Variants in PFDN6 observed in about 807,000 individuals in gnomAD.
The protein encoded by PFDN6 is HLA class II region expressed gene KE2.
PFDN6 carries 5 observed loss-of-function variants against 19.3 expected under a neutral mutation model. The ratio of observed to expected loss-of-function variants is 0.26; its 90% CI spans 0.14 to 0.55. The LOEUF is 0.55. Among genes scored for constraint, PFDN6 ranks in the 20% least tolerant of loss-of-function variants. The probability of loss-of-function intolerance (pLI) is 0.94; values close to 1 mark genes in which losing one functional copy is unlikely to be tolerated. For synonymous variants in PFDN6, 51 were observed against 63.4 expected, an observed-to-expected ratio of 0.80 and a Z score of 0.93; for missense variants, 101 against 149.4, an observed-to-expected ratio of 0.68 and a Z score of 1.69.
chr6:33,290,681 C>T, intron 3 of PFDN6, 35 bp from the exon 4 acceptor site: 1 of 1,608,104 alleles, frequency 6.2e-7, no homozygotes, highest in Non-Finnish European at 8.5e-7. Context: ...CTACTAATTT[C>T]TCCCTTTCTG....
At position 33,290,464 on chromosome 6, in the gene PFDN6, C is replaced by G; in HGVS notation, c.260+14C>G. 6.5e-7 allele frequency: 1 copy of G among 1,541,528 alleles called. No homozygotes were observed. The highest frequency in any genetic ancestry group is 8.7e-7 in the Non-Finnish European group (1 of 1,144,444). On this transcript the variant is annotated intron_variant, in intron 3 of 3. Transcript: ENST00000374606. ...CACAGCTGAAATGTGAGTTTTTATT[C>G]CACCACCGTGTGCTGCACCCTGTGA...
In PFDN6 at chr6:33,289,861, C is replaced by T; in HGVS notation, c.5C>T (p.Ala2Val). M[A>V]ELIQKKLQGE... ...CAGTAGGCTTTCATCCCCGCCATGG[C>T]GGAGCTGATCCAGAAGAAGCTACAG... Residue 2 changes from alanine (A) to valine (V), a missense_variant, in exon 1 of 4, where the codon GCG becomes GTG. This residue lies in a region of PFDN6 where 54 missense variants were observed against 108.8 expected (regional missense o/e 0.50). Coordinates refer to ENST00000374606, the MANE Select transcript of PFDN6 (RefSeq NM_001185181.3). The T allele has an allele frequency of 6.2e-7, 1 of 1,601,894 alleles. No individual in the cohort carries two copies.
Position 33,290,819 on chromosome 6 carries a change from A to C in PFDN6, c.364A>C (p.Lys122Gln), listed in dbSNP as rs1767297870. Residue 122 changes from lysine to glutamine, a missense_variant, in exon 4 of 4, where the codon AAG becomes CAG. Coordinates refer to ENST00000374606, the MANE Select transcript of PFDN6 (RefSeq NM_001185181.3). The stretch of plus-strand genomic sequence containing the variant: ...GGAGTTCCAGCGGGCCCAGGCAGCA[A>C]AGGCAGGGGCTCCTGGCAAGGCCTG... Reference protein sequence around the residue: ...QQEFQRAQAAKAGAPGKA With the variant: ...QQEFQRAQAAQAGAPGKA The C allele has an allele frequency of 6.2e-7, 1 of 1,602,910 alleles. No homozygotes were observed. The highest frequency in any genetic ancestry group is 8.5e-7 in the Non-Finnish European group (1 of 1,179,732).
At chr6:33,290,059 C>A in intron 1 of PFDN6, 115 bp from the exon 2 acceptor site, 1 of 1,334,506 alleles carries the variant, frequency 7.5e-7, no homozygotes, top group Non-Finnish European at 1.1e-6. Flanking sequence ...TCCCTGTTCA[C>A]TCACCCGCTG....
In PFDN6 at chr6:33,290,596, CCTT is replaced by C. The variant is rs1230297218; in HGVS notation, c.261-114_261-112del. ...AACCCTTTCCTTCCCTTTTAACCCC[CCTT>C]CTTCTCCCTCCCCTGGATCTCAAGT... On this transcript the variant is annotated intron_variant, in intron 3 of 3. Transcript: ENST00000374606. 1.2e-5 allele frequency: 17 copies of C among 1,469,598 alleles called. No individual in the cohort carries two copies. The Admixed American group carries it at 1.2e-4, about 10-fold the overall frequency. 91.0% of individuals were successfully genotyped at this position (1,469,598 alleles called of 1,614,324 possible).
intron 1 of PFDN6, 80 bp downstream of exon 1, chr6:33,290,000 A>T (rs1767173227): frequency 7.1e-7 from 1 of 1,403,004 alleles, no homozygotes; most frequent in Non-Finnish European, 9.9e-7. Context: ...TTGTTGCCCC[A>T]TCTGGGCCCT....
rs1333650750 is a variant in PFDN6, at chr6:33,290,376, G to T, written c.186G>T (p.Pro62=). ...GSNVVFKLLG[P]VLVKQELGEA... ...ACGTGGTCTTTAAACTTCTGGGTCC[G>T]GTGCTAGTCAAACAGGAGCTGGGGG... The change falls in exon 3 of 4, where the codon CCG becomes CCT. Residue 62 remains proline (P), a synonymous_variant. Coordinates refer to ENST00000374606, the MANE Select transcript of PFDN6 (RefSeq NM_001185181.3). The T allele has an allele frequency of 6.2e-7, 1 of 1,608,182 alleles. No individual in the cohort carries two copies. The highest frequency in any genetic ancestry group is 8.5e-7 in the Non-Finnish European group (1 of 1,176,602).
In PFDN6 at chr6:33,290,699, CCCTT is replaced by C. The variant is rs760167104; in HGVS notation, c.261-16_261-13del. 3 of 1,612,448 alleles carry C rather than the reference CCCTT, an allele frequency of 1.9e-6. No homozygotes were observed. The highest frequency in any genetic ancestry group is 1.7e-5 in the Admixed American group (1 of 59,966). On this transcript the variant is annotated splice_polypyrimidine_tract_variant and intron_variant, in intron 3 of 3. Transcript: ENST00000374606. Reference sequence around the variant, plus strand: ...CTAATTTCTCCCTTTCTGCTTGTCTCCCTTGTCTCTCCTTAGTAAGCGATACGAA... The same window carrying C: ...CTAATTTCTCCCTTTCTGCTTGTCTCGTCTCTCCTTAGTAAGCGATACGAA...
At position 33,290,253 on chromosome 6, in the gene PFDN6, C is replaced by CTG; in HGVS notation, c.135+10_135+11dup. 1 of 1,614,098 alleles carries CTG rather than the reference C, an allele frequency of 6.2e-7. No homozygotes were observed. Among genetic ancestry groups the CTG allele is most frequent in the Admixed American group, 1.7e-5 (1 of 60,016 alleles). On this transcript the variant is annotated intron_variant, in intron 2 of 3. Coordinates refer to ENST00000374606, the MANE Select transcript of PFDN6 (RefSeq NM_001185181.3). Reference sequence around the variant, plus strand: ...ATAATATCGTGAAAGAGGTGAGGGACTGGGATTTGTGGGGCGAGGAGGGAC... The same window carrying CTG: ...ATAATATCGTGAAAGAGGTGAGGGACTGTGGGATTTGTGGGGCGAGGAGGGAC...
Position 33,290,885 on chromosome 6 carries a change from G to C in PFDN6, c.*40G>C. The C allele has an allele frequency of 1.3e-6, 2 of 1,542,938 alleles. No homozygotes were observed. The highest frequency in any genetic ancestry group is 1.7e-6 in the Non-Finnish European group (2 of 1,143,912). ...GAGGGGAGGGGAGGGGAGGGAATGA[G>C]GCAGCTCTAGGATCTATACTGTAGC... On this transcript the variant is annotated 3_prime_UTR_variant, in exon 4 of 4. Coordinates refer to ENST00000374606, the MANE Select transcript of PFDN6 (RefSeq NM_001185181.3).
Position 33,290,658 on chromosome 6 carries a change from T to C in PFDN6, c.261-58T>C. 4.4e-6 allele frequency: 7 copies of C among 1,590,312 alleles called. No homozygotes were observed. The South Asian group carries it at 7.8e-5, about 18-fold the overall frequency. On this transcript the variant is annotated intron_variant, in intron 3 of 3. Coordinates refer to ENST00000374606, the MANE Select transcript of PFDN6 (RefSeq NM_001185181.3). ...TATCTCTTTCTTGCGTTTAGCACTCTCCATAGTGAGTCCTACTAATTTCTC... is the reference window on the plus strand; with the variant it reads ...TATCTCTTTCTTGCGTTTAGCACTCCCCATAGTGAGTCCTACTAATTTCTC...
intron 3 of PFDN6, 87 bp from the exon 4 acceptor site, chr6:33,290,629 C>A: frequency 6.5e-7 from 1 of 1,532,860 alleles, no homozygotes; most frequent in Admixed American, 1.8e-5. Context: ...TCAAGTTTTC[C>A]ACCTATCTCT....
intron 1 of PFDN6, 43 bp downstream of exon 1, chr6:33,289,963 A>G: frequency 6.5e-7 from 1 of 1,537,576 alleles, no homozygotes; most frequent in Non-Finnish European, 8.9e-7. Flanking sequence ...ATGCACTTAC[A>G]ACCCAAAGCC....
rs767083338 is a variant in PFDN6, at chr6:33,290,834, G to A, written c.379G>A (p.Gly127Ser). The A allele has an allele frequency of 3.1e-6, 5 of 1,600,188 alleles. No homozygotes were observed. The highest frequency in any genetic ancestry group is 3.4e-6 in the Non-Finnish European group (4 of 1,179,238). The change falls in exon 4 of 4, where the codon GGC (glycine) becomes AGC (serine). Residue 127 changes from glycine (G) to serine (S), a missense_variant. Gly to Ser is a moderately conservative substitution (Grantham distance 56). This residue lies in a region of PFDN6 where 47 missense variants were observed against 40.6 expected (regional missense o/e 1.16). Coordinates refer to ENST00000374606, the MANE Select transcript of PFDN6 (RefSeq NM_001185181.3). The stretch of plus-strand genomic sequence containing the variant: ...CCAGGCAGCAAAGGCAGGGGCTCCT[G>A]GCAAGGCCTGACCCCATGGTGGGGG... ...RAQAAKAGAP[G>S]KA
At chr6:33,289,396 A>G, upstream of PFDN6, 1 of 1,308,624 alleles carries the variant, frequency 7.6e-7, no homozygotes, top group Non-Finnish European at 9.7e-7. Flanking sequence ...TTAAAAAAGA[A>G]AGGCAGGTCC....
At position 33,289,751 on chromosome 6, in the gene PFDN6, A is replaced by C. The variant is rs1767128613; in HGVS notation, c.-106A>C. 9 of 900,348 alleles carry C rather than the reference A, an allele frequency of 1.0e-5. No homozygotes were observed. The highest frequency in any genetic ancestry group is 1.5e-5 in the Non-Finnish European group (9 of 595,478). 55.8% of individuals were successfully genotyped at this position (900,348 alleles called of 1,614,324 possible). A position where few individuals can be genotyped will look rare whatever the true frequency, so the allele number is the denominator to read the frequency against. On this transcript the variant is annotated 5_prime_UTR_variant, in exon 1 of 4. Transcript: ENST00000374606. ...GTGCCCCTCAGGGCTACCTCTCAAG[A>C]GTGCTATCATTTCCGCAGGCCAGAT...
Position 33,290,744 on chromosome 6 carries a change from C to A in PFDN6, c.289C>A (p.Leu97Ile), listed in dbSNP as rs1767285024. The A allele has an allele frequency of 6.2e-7, 1 of 1,612,672 alleles. No homozygotes were observed. Among genetic ancestry groups the A allele is most frequent in the African/African-American group, 1.3e-5 (1 of 74,894 alleles). The change falls in exon 4 of 4, where the codon CTT becomes ATT. Residue 97 changes from leucine (L) to isoleucine (I), a missense_variant. Coordinates refer to ENST00000374606, the MANE Select transcript of PFDN6 (RefSeq NM_001185181.3). Reference sequence around the variant, plus strand: ...GCGATACGAATCCCAGCTTCGGGATCTTGAGCGGCAGTCAGAGCAACAGAG... The same window carrying A: ...GCGATACGAATCCCAGCTTCGGGATATTGAGCGGCAGTCAGAGCAACAGAG... ...IKRYESQLRD[L>I]ERQSEQQRET...
At position 33,289,727 on chromosome 6, in the gene PFDN6, T is replaced by C; in HGVS notation, c.-130T>C. The C allele has an allele frequency of 1.4e-6, 1 of 693,556 alleles. No homozygotes were observed. 43.0% of individuals were successfully genotyped at this position (693,556 alleles called of 1,614,324 possible). On this transcript the variant is annotated 5_prime_UTR_variant, in exon 1 of 4. Transcript: ENST00000374606. ...ATCCGGGACGGGGGGGAGGTTGCGG[T>C]GCCCCTCAGGGCTACCTCTCAAGAG...
rs781251678 is a variant in PFDN6, at chr6:33,290,232, T to C, written c.123T>C (p.Asn41=). 35 of 1,613,954 alleles carry C rather than the reference T, an allele frequency of 2.2e-5. No individual in the cohort carries two copies. The highest frequency in any genetic ancestry group is 1.7e-6 in the Non-Finnish European group (2 of 1,180,018). Residue 41 remains asparagine, a synonymous_variant, in exon 2 of 4, where the codon AAT becomes AAC. Transcript: ENST00000374606. ...QKLEAQLTEN[N]IVKEELALLD... ...TTGAAGCACAACTAACAGAAAATAA[T>C]ATCGTGAAAGAGGTGAGGGACTGGG... is the stretch of plus-strand genomic sequence containing the variant.
Sources: allele counts gnomAD v4.1 joint callset, GRCh38; gene constraint gnomAD v4.1.1; regional missense constraint gnomAD v4.1.1; transcripts MANE v1.5; gene names NCBI Gene and HGNC (gene_info 2026-07-23, HGNC 2026-07-21).